The following LIFR variants were observed in gnomAD, a reference collection of about 807,000 sequenced individuals.
LIFR encodes leukemia inhibitory factor receptor.
In LIFR, 84 loss-of-function variants were observed where a neutral mutation model predicts 122.2. The observed-to-expected ratio is 0.69, with a 90% CI of 0.58 to 0.82. The LOEUF (loss-of-function observed/expected upper bound fraction) is 0.82. Ranked by LOEUF, LIFR falls within the 40% of genes least tolerant of loss-of-function variation. The pLI is 0.00. For synonymous variants in LIFR, 422 were observed against 434.7 expected (o/e 0.97, Z 0.36); for missense variants, 1,294 against 1,311.6 (o/e 0.99, Z 0.21).
At chr5:38,554,556 C>G (rs888651580) in intron 1 of LIFR, among the ~76,000 whole-genome samples, 2 of 152,172 alleles carry the variant, frequency 1.3e-5, no homozygotes, top group Non-Finnish European at 2.9e-5. Context: ...GAGGCAGATT[C>G]TCTTAGATAC....
chr5:38,559,690 C>T (rs1748759546), upstream of LIFR, among the ~76,000 whole-genome samples: 1 of 152,150 alleles, frequency 6.6e-6, no homozygotes. Flanking sequence ...GAGTAAGTCA[C>T]AAAACTGAAG....
chr5:38,558,510 T>C (rs993098766), upstream of LIFR: 16 of 152,178 alleles, frequency 1.1e-4, no homozygotes, highest in Admixed American at 5.2e-4. Context: ...ATGCAGGTTT[T>C]GTGGGGCCTG....
chr5:38,568,521 C>A (rs1234171086), intron 1 of LIFR, among the ~76,000 whole-genome samples: 1 of 152,052 alleles, frequency 6.6e-6, no homozygotes, highest in Non-Finnish European at 1.5e-5. Context: ...TTCTTCTGCA[C>A]ATGATGGCAA....
chr5:38,571,285 C>T (rs769417587), intron 1 of LIFR, among the ~76,000 whole-genome samples: 10 of 152,208 alleles, frequency 6.6e-5, no homozygotes, highest in Admixed American at 1.3e-4. Flanking sequence ...GGCACAGTGG[C>T]TCATGCCTGT....
At chr5:38,564,579 A>C (rs1164589721) in intron 1 of LIFR, among the ~76,000 whole-genome samples, 1 of 152,014 alleles carries the variant, frequency 6.6e-6, no homozygotes, top group Non-Finnish European at 1.5e-5. Flanking sequence ...CTTCAACCTG[A>C]AAGTGATGTT....
intron 7 of LIFR, among the ~76,000 whole-genome samples, chr5:38,508,431 A>C (rs1430703751): frequency 2.6e-5 from 4 of 152,230 alleles, no homozygotes; most frequent in African/African-American, 9.6e-5. Context: ...TGGGAGATAC[A>C]AATATTGTAA....
chr5:38,595,972 G>A (rs774820421), upstream of LIFR, among the ~76,000 whole-genome samples: 8 of 151,798 alleles, frequency 5.3e-5, no homozygotes, highest in Non-Finnish European at 1.2e-4. Flanking sequence ...TCCTGACCTC[G>A]TGATCCACCT....
intron 15 of LIFR, among the ~76,000 whole-genome samples, chr5:38,489,640 A>T (rs1190135974): frequency 1.3e-5 from 2 of 152,194 alleles, no homozygotes; most frequent in Admixed American, 1.3e-4. Flanking sequence ...ATCCAAGTTC[A>T]GATTTAATTT....
chr5:38,541,062 A>C (rs530754120), intron 1 of LIFR, among the ~76,000 whole-genome samples: 3 of 152,174 alleles, frequency 2.0e-5, no homozygotes, highest in African/African-American at 7.2e-5. Context: ...ATTTAACCCC[A>C]GATATCAAAA....
At chr5:38,586,040 C>T (rs1336915345) in intron 1 of LIFR, among the ~76,000 whole-genome samples, 4 of 152,094 alleles carry the variant, frequency 2.6e-5, no homozygotes, top group Admixed American at 6.5e-5. Context: ...ATCCGGTATC[C>T]GCTTCCCCTT....
rs1025884057 is a variant in LIFR at position 38,475,600 on chromosome 5, A to G, written c.*5995T>C. 8 of 187,066 alleles carry G rather than the reference A, an allele frequency of 4.3e-5. No homozygotes were observed. Among genetic ancestry groups the G allele is most frequent in the African/African-American group, 1.9e-4 (8 of 42,782 alleles). 11.6% of individuals were successfully genotyped at this position (187,066 alleles called of 1,614,324 possible). On this transcript the variant is annotated 3_prime_UTR_variant, in exon 20 of 20. Coordinates refer to ENST00000453190, the MANE Select transcript of LIFR (RefSeq NM_001127671.2). ...ATAAAAAACTTAAAATATTTAACATATAATACTCACTTTAAAAAAACATTC... is the reference window on the plus strand; with the variant it reads ...ATAAAAAACTTAAAATATTTAACATGTAATACTCACTTTAAAAAAACATTC...
intron 1 of LIFR, among the ~76,000 whole-genome samples, chr5:38,553,670 A>G (rs1401044787): frequency 3.6e-5 from 4 of 110,434 alleles, no homozygotes; most frequent in East Asian, 6.0e-4. Flanking sequence ...ATATATATAT[A>G]TATTATATGT....
intron 1 of LIFR, among the ~76,000 whole-genome samples, chr5:38,593,302 G>A (rs1749990765): frequency 6.6e-6 from 1 of 152,174 alleles, no homozygotes; most frequent in African/African-American, 2.4e-5. Context: ...GGATGTTAAT[G>A]AATTCTGTTA....
chr5:38,476,688 T>C lies in LIFR; in HGVS notation c.*4907A>G, dbSNP rs1178760679. ...CAACCAAAAAAAAAAATGTAAATCA[T>C]ATTTTGTTTCTGGCTAATGTTCAAT... On this transcript the variant is annotated 3_prime_UTR_variant, in exon 20 of 20. Transcript: ENST00000453190. 9.6e-6 allele frequency: 2 copies of C among 208,010 alleles called. No homozygotes were observed. Among genetic ancestry groups the C allele is most frequent in the Non-Finnish European group, 2.0e-5 (2 of 102,152 alleles). The allele number at this position is 208,010 out of a possible 1,614,324, so 12.9% of individuals were successfully genotyped here. A position where few individuals can be genotyped will look rare whatever the true frequency, so the allele number is the denominator to read the frequency against.
At chr5:38,591,289 T>C (rs934262762) in intron 1 of LIFR, among the ~76,000 whole-genome samples, 1 of 152,252 alleles carries the variant, frequency 6.6e-6, no homozygotes, top group African/African-American at 2.4e-5. Flanking sequence ...GCAAATCATT[T>C]CGCTTAGAAG....
Position 38,493,884 on chromosome 5 carries a change from G to A in LIFR, c.1886-99C>T, listed in dbSNP as rs190061937. ...TGAGTTAGAAAAATCACTTCATTGT[G>A]AAGAAATTATAAAATAGTGCTCAAA... is the stretch of plus-strand genomic sequence containing the variant. On this transcript the variant is annotated intron_variant, in intron 13 of 19. Coordinates refer to ENST00000453190, the MANE Select transcript of LIFR (RefSeq NM_001127671.2). The A allele has an allele frequency of 1.5e-3, 1,388 of 945,528 alleles. 16 individuals are homozygous for A. In the South Asian group the frequency reaches 0.016, roughly 11 times the overall value. The allele number at this position is 945,528 out of a possible 1,614,324, so 58.6% of individuals were successfully genotyped here.
intron 1 of LIFR, among the ~76,000 whole-genome samples, chr5:38,592,086 T>A (rs117346274): frequency 6.6e-6 from 1 of 152,262 alleles, no homozygotes; most frequent in East Asian, 1.9e-4. Context: ...CTTAATTTCT[T>A]TTGGTGTTAT....
At chr5:38,510,418 C>T in intron 7 of LIFR, 46 bp downstream of exon 7, 1 of 1,564,960 alleles carries the variant, frequency 6.4e-7, no homozygotes. Flanking sequence ...TCAAGGAAGA[C>T]CAAAACAGGT....
intron 11 of LIFR, among the ~76,000 whole-genome samples, chr5:38,501,319 G>C (rs568722599): frequency 1.4e-5 from 2 of 139,614 alleles, no homozygotes; most frequent in Non-Finnish European, 3.3e-5. Context: ...TTCTTCACAT[G>C]TCTTCATGTG....
Sources: allele counts gnomAD v4.1 joint callset (sites outside exome capture counted in the v4.1 genomes callset), GRCh38; gene constraint gnomAD v4.1.1; transcripts MANE v1.5; gene names NCBI Gene and HGNC (gene_info 2026-07-23, HGNC 2026-07-21).